Variants in DOCK9 observed in about 807,000 individuals in gnomAD.
The protein encoded by DOCK9 is dedicator of cytokinesis protein 9.
DOCK9 carries 89 observed loss-of-function variants against 263.3 expected under a neutral mutation model. The observed-to-expected ratio is 0.34, with a 90% confidence interval of 0.28 to 0.40. The LOEUF (loss-of-function observed/expected upper bound fraction) is 0.40. Ranked by LOEUF, DOCK9 falls within the 10% of genes least tolerant of loss-of-function variation. DOCK9 has a pLI of 1.00. For synonymous variants in DOCK9, 976 were observed against 973.1 expected (o/e 1.00, Z -0.06); for missense variants, 2,140 against 2,603.4 (o/e 0.82, Z 3.87).
intron 9 of DOCK9, among the ~76,000 whole-genome samples, chr13:98,907,266 C>A (rs1199604732): frequency 6.6e-6 from 1 of 152,238 alleles, no homozygotes; most frequent in Non-Finnish European, 1.5e-5. Flanking sequence ...TATTCTACTT[C>A]TGAATCGTCC....
At chr13:98,931,159 C>T (rs912683) in intron 2 of DOCK9, among the ~76,000 whole-genome samples, 30 of 151,798 alleles carry the variant, frequency 2.0e-4, no homozygotes, top group Non-Finnish European at 3.8e-4. Flanking sequence ...TCCCCTCCAA[C>T]GGACATTAGA....
chr13:99,071,646 A>G (rs2142376985), intron 1 of DOCK9, among the ~76,000 whole-genome samples: 1 of 152,214 alleles, frequency 6.6e-6, no homozygotes, highest in Middle Eastern at 3.4e-3. Flanking sequence ...GGTGTGGGAC[A>G]GGAGGCAAGA....
intron 2 of DOCK9, among the ~76,000 whole-genome samples, chr13:98,947,454 G>T (rs766869626): frequency 2.0e-5 from 3 of 147,294 alleles, no homozygotes; most frequent in Non-Finnish European, 4.5e-5. Flanking sequence ...GGCATTACTT[G>T]AACTAGAATT....
At chr13:98,909,109 C>A (rs1268121551) in intron 9 of DOCK9, among the ~76,000 whole-genome samples, 1 of 152,110 alleles carries the variant, frequency 6.6e-6, no homozygotes, top group African/African-American at 2.4e-5. Flanking sequence ...CTCTGGGTTT[C>A]GTGGAGAGGA....
chr13:98,957,010 G>A (rs2058133927), intron 1 of DOCK9, among the ~76,000 whole-genome samples: 1 of 152,048 alleles, frequency 6.6e-6, no homozygotes, highest in Non-Finnish European at 1.5e-5. Flanking sequence ...CTTGTGTTTT[G>A]GTGCACCCAT....
At chr13:98,951,903 C>CTTTTTTTTTTTTTTTTTTTTTTTTTT (rs71114563) in intron 2 of DOCK9, among the ~76,000 whole-genome samples, 6 of 134,908 alleles carry the variant, frequency 4.4e-5, no homozygotes, top group Non-Finnish European at 9.5e-5. Context: ...TTAATATTCC[C>CTTTTTTTTTTTTTTTTTTTTTTTTTT]TTTTTTTTTT....
At chr13:99,015,459 G>A (rs771177929) in intron 1 of DOCK9, 1 of 1,594,864 alleles carries the variant, frequency 6.3e-7, no homozygotes, top group Non-Finnish European at 8.5e-7. Flanking sequence ...GCCAGGAGGA[G>A]ATCAATAGTT....
chr13:98,921,625 C>A (rs1227332396), intron 6 of DOCK9, among the ~76,000 whole-genome samples: 1 of 152,196 alleles, frequency 6.6e-6, no homozygotes, highest in Non-Finnish European at 1.5e-5. Flanking sequence ...TCTCTGTCTG[C>A]AACCTTCTCT....
intron 2 of DOCK9, among the ~76,000 whole-genome samples, chr13:98,942,784 A>G (rs985163863): frequency 6.6e-6 from 1 of 152,160 alleles, no homozygotes; most frequent in Non-Finnish European, 1.5e-5. Flanking sequence ...GGTGTAGCCT[A>G]TTGCTCCTAG....
chr13:98,821,729 T>C (rs2092286870), intron 45 of DOCK9, among the ~76,000 whole-genome samples: 2 of 152,196 alleles, frequency 1.3e-5, no homozygotes, highest in Non-Finnish European at 2.9e-5. Context: ...GCTCTTCGGC[T>C]CAGAATCAAG....
intron 1 of DOCK9, among the ~76,000 whole-genome samples, chr13:99,084,475 G>A (rs2042252410): frequency 6.6e-6 from 1 of 152,166 alleles, no homozygotes; most frequent in Non-Finnish European, 1.5e-5. Flanking sequence ...CATGCTTAAG[G>A]GTGTCCAGGG....
intron 6 of DOCK9, among the ~76,000 whole-genome samples, chr13:98,921,298 C>T (rs1434737041): frequency 6.6e-6 from 1 of 152,296 alleles, no homozygotes; most frequent in East Asian, 1.9e-4. Context: ...CCCTAATATC[C>T]ATGGGTCATT....
In DOCK9 at chr13:98,859,751, G is replaced by GTATATATATATATATATA. The variant is rs544974823; in HGVS notation, c.3697+653_3697+654insTATATATATATATATATA. 3.9e-4 allele frequency: 54 copies of GTATATATATATATATATA among 139,372 alleles called. No homozygotes were observed. The South Asian group carries it at 4.7e-3, about 12-fold the overall frequency. The allele number at this position is 139,372 out of a possible 1,614,324, so 8.6% of individuals were successfully genotyped here. On this transcript the variant is annotated intron_variant, in intron 33 of 52. Coordinates refer to ENST00000682017, the MANE Select transcript of DOCK9 (RefSeq NM_001366683.2). ...TGTTTGTGTGTGTGTGTGTGTGTGT[G>GTATATATATATATATATA]TGTATATATATATATATATATGTAA...
intron 13 of DOCK9, among the ~76,000 whole-genome samples, chr13:98,899,852 ATT>A (rs1448420003): frequency 6.6e-6 from 1 of 152,148 alleles, no homozygotes; most frequent in Non-Finnish European, 1.5e-5. Context: ...TAAGAAACTT[ATT>A]TTTTCCCTTT....
intron 1 of DOCK9, among the ~76,000 whole-genome samples, chr13:98,973,817 T>C (rs1157560430): frequency 6.6e-6 from 1 of 152,194 alleles, no homozygotes; most frequent in African/African-American, 2.4e-5. Flanking sequence ...AAACTGGTTT[T>C]GAACTCCTGA....
intron 43 of DOCK9, among the ~76,000 whole-genome samples, chr13:98,827,497 TA>T (rs1366545648): frequency 6.6e-6 from 1 of 152,260 alleles, no homozygotes; most frequent in Non-Finnish European, 1.5e-5. Flanking sequence ...TGCAAGGTTC[TA>T]ATGCATGCGG....
chr13:98,873,155 C>G (rs1356066297), intron 27 of DOCK9, among the ~76,000 whole-genome samples: 1 of 152,232 alleles, frequency 6.6e-6, no homozygotes, highest in Non-Finnish European at 1.5e-5. Context: ...CTCCCACTGT[C>G]TCCTGAGCGC....
intron 1 of DOCK9, among the ~76,000 whole-genome samples, chr13:99,059,185 T>C (rs757329894): frequency 2.3e-4 from 35 of 152,324 alleles, no homozygotes; most frequent in Admixed American, 5.2e-4. Flanking sequence ...GGCTCAAATG[T>C]CTGCAGTCGA....
intron 9 of DOCK9, among the ~76,000 whole-genome samples, chr13:98,904,988 T>C (rs1304610992): frequency 6.6e-6 from 1 of 152,186 alleles, no homozygotes; most frequent in Non-Finnish European, 1.5e-5. Flanking sequence ...AGCATCTGTG[T>C]GTCAAGAAAG....
Sources: gnomAD v4.1 joint callset for allele counts (sites outside exome capture counted in the v4.1 genomes callset) on GRCh38, gnomAD v4.1.1 for gene constraint, MANE v1.5 for transcripts, NCBI Gene and HGNC (gene_info 2026-07-23, HGNC 2026-07-21) for gene names.